Variants in DERL2 observed in about 807,000 individuals in gnomAD.
The protein encoded by DERL2 is derlin 2.
In DERL2, 13 loss-of-function variants were observed where a neutral mutation model predicts 32.0. The observed-to-expected ratio is 0.41, with a 90% CI of 0.26 to 0.65. DERL2 has a LOEUF of 0.65. Ranked by LOEUF, DERL2 falls within the 30% of genes least tolerant of loss-of-function variation. The probability of loss-of-function intolerance (pLI) is 0.35; values close to 1 mark genes in which losing one functional copy is unlikely to be tolerated. For synonymous variants in DERL2, 111 were observed against 104.7 expected, an observed-to-expected ratio of 1.06 and a Z score of -0.37; for missense variants, 208 against 296.3, an observed-to-expected ratio of 0.70 and a Z score of 2.19.
chr17:5,482,560 CTTGA>C (rs1905862168), intron 3 of DERL2: 1 of 344,676 alleles, frequency 2.9e-6, no homozygotes, highest in Admixed American at 5.1e-5. Flanking sequence ...TCTCCCCTCC[CTTGA>C]TCAGATTTGT....
In DERL2 at chr17:5,480,502, G is replaced by A. The variant is rs1303704376; in HGVS notation, c.408C>T (p.Asn136=). The change falls in exon 5 of 7, where the codon AAC becomes AAT. Residue 136 remains asparagine (N), a synonymous_variant. Transcript: ENST00000158771. The part of the protein sequence containing the change: ...IMLVYVWSRR[N]PYVRMNFFGL... ...CGAAGAAGTTCATGCGGACATAGGG[G>A]TTCCTTCGGCTCCACACATAGACGA... 1 of 1,609,692 alleles carries A rather than the reference G, an allele frequency of 6.2e-7. No individual in the cohort carries two copies.
At position 5,473,909 on chromosome 17, in the gene DERL2, T is replaced by C. The variant is rs1905235097; in HGVS notation, c.*775A>G. The C allele has an allele frequency of 6.6e-6, 1 of 152,222 alleles. No individual in the cohort carries two copies. Among genetic ancestry groups the C allele is most frequent in the Admixed American group, 6.5e-5 (1 of 15,278 alleles). The allele number at this position is 152,222 out of a possible 1,614,324, so 9.4% of individuals were successfully genotyped here. A position where few individuals can be genotyped will look rare whatever the true frequency, so the allele number is the denominator to read the frequency against. On this transcript the variant is annotated 3_prime_UTR_variant, in exon 7 of 7. Coordinates refer to ENST00000158771, the MANE Select transcript of DERL2 (RefSeq NM_016041.5). Reference sequence around the variant, plus strand: ...CAATCTTTCCCTGGATACTTCTTAATGGAGAAATGTAAGTAAAGCAAATAA... The same window carrying C: ...CAATCTTTCCCTGGATACTTCTTAACGGAGAAATGTAAGTAAAGCAAATAA...
At chr17:5,476,375 T>C (rs976436909) in intron 6 of DERL2, among the ~76,000 whole-genome samples, 1 of 152,110 alleles carries the variant, frequency 6.6e-6, no homozygotes, top group African/African-American at 2.4e-5. Context: ...AAAACAAACA[T>C]ACCAACAGAA....
chr17:5,478,307 T>C (rs919849942), intron 6 of DERL2, among the ~76,000 whole-genome samples: 1 of 152,136 alleles, frequency 6.6e-6, no homozygotes, highest in Admixed American at 6.5e-5. Context: ...CCCAGGGGCT[T>C]GAGTTAACAG....
rs1905705910 is a variant in DERL2 at position 5,480,509 on chromosome 17, C to T, written c.401G>A (p.Arg134Gln). The T allele has an allele frequency of 1.2e-6, 2 of 1,607,238 alleles. No homozygotes were observed. Among genetic ancestry groups the T allele is most frequent in the Non-Finnish European group, 1.7e-6 (2 of 1,178,136 alleles). The change falls in exon 5 of 7, where the codon CGA becomes CAA. Residue 134 changes from arginine (R) to glutamine (Q), a missense_variant. By Grantham distance (43) the Arg-to-Gln change is conservative. Around this residue, in one of 3 missense-constraint regions of DERL2, gnomAD observed 124 missense variants for 215.3 expected, o/e 0.58. Transcript: ENST00000158771. ...GTTCATGCGGACATAGGGGTTCCTT[C>T]GGCTCCACACATAGACGAGCATTAT... ...FTIMLVYVWS[R>Q]RNPYVRMNFF...
At chr17:5,483,142 G>A (rs551088164) in intron 2 of DERL2, among the ~76,000 whole-genome samples, 3 of 151,964 alleles carry the variant, frequency 2.0e-5, no homozygotes, top group Non-Finnish European at 4.4e-5. Context: ...AATTGTGATC[G>A]TCGTATGGAG....
intron 3 of DERL2, among the ~76,000 whole-genome samples, chr17:5,482,078 C>A (rs1805453): frequency 0.28 from 42,001 of 152,084 alleles, 7,201 homozygotes; most frequent in African/African-American, 0.49. Flanking sequence ...CTTGTGTGCT[C>A]AACTACTTTT....
intron 6 of DERL2, among the ~76,000 whole-genome samples, chr17:5,479,395 A>G (rs1469339509): frequency 6.6e-6 from 1 of 151,306 alleles, no homozygotes; most frequent in Non-Finnish European, 1.5e-5. Flanking sequence ...GCCCTTTTTA[A>G]TATGGCATCT....
chr17:5,474,839 C>A lies in DERL2; in HGVS notation c.615-50G>T. 6.9e-7 allele frequency: 1 copy of A among 1,447,758 alleles called. No homozygotes were observed. Among genetic ancestry groups the A allele is most frequent in the Non-Finnish European group, 9.6e-7 (1 of 1,036,990 alleles). The allele number at this position is 1,447,758 out of a possible 1,614,324, so 89.7% of individuals were successfully genotyped here. A position where few individuals can be genotyped will look rare whatever the true frequency, so the allele number is the denominator to read the frequency against. On this transcript the variant is annotated intron_variant, in intron 6 of 6. Coordinates refer to ENST00000158771, the MANE Select transcript of DERL2 (RefSeq NM_016041.5). The surrounding 1 kb of genome is among the most constrained non-coding windows in gnomAD (Gnocchi z 4.3). ...TTTGGTCCCAGAGTCATCTCAGGTCCAAAGTACTACAAGGTCAGTTCAGGC... is the reference window on the plus strand; with the variant it reads ...TTTGGTCCCAGAGTCATCTCAGGTCAAAAGTACTACAAGGTCAGTTCAGGC...
intron 6 of DERL2, among the ~76,000 whole-genome samples, chr17:5,477,106 A>AC (rs1466447404): frequency 6.6e-6 from 1 of 152,212 alleles, no homozygotes; most frequent in Non-Finnish European, 1.5e-5. Context: ...TCAGGTTAGG[A>AC]CAGATGGAAA....
In DERL2 at chr17:5,481,237, G is replaced by C; in HGVS notation, c.327+59C>G. 8.0e-7 allele frequency: 1 copy of C among 1,246,406 alleles called. No homozygotes were observed. Among genetic ancestry groups the C allele is most frequent in the Non-Finnish European group, 1.2e-6 (1 of 844,936 alleles). The allele number at this position is 1,246,406 out of a possible 1,614,324, so 77.2% of individuals were successfully genotyped here. On this transcript the variant is annotated intron_variant, in intron 4 of 6. Transcript: ENST00000158771. This position sits in a 1 kb window ranked among gnomAD's most constrained non-coding sequence, Gnocchi z 4.4. Reference sequence around the variant, plus strand: ...GAGAACTGTGGGAGACAGATGACAAGCTTTAGGAAGAGCCAGGGTGTTCTT... The same window carrying C: ...GAGAACTGTGGGAGACAGATGACAACCTTTAGGAAGAGCCAGGGTGTTCTT...
At chr17:5,476,558 G>A (rs370059198) in intron 6 of DERL2, among the ~76,000 whole-genome samples, 1 of 152,082 alleles carries the variant, frequency 6.6e-6, no homozygotes, top group East Asian at 1.9e-4. Context: ...GAGGAGGGTG[G>A]ATCACCTGAG....
Position 5,481,108 on chromosome 17 carries a change from A to T in DERL2, c.327+188T>A. The stretch of plus-strand genomic sequence containing the variant: ...TGCTTAACAGTAACCCACCTGGGTT[A>T]AAAGTTCCTTTGACTTGCTCATCCT... On this transcript the variant is annotated intron_variant, in intron 4 of 6. Transcript: ENST00000158771. This position sits in a 1 kb window ranked among gnomAD's most constrained non-coding sequence, Gnocchi z 4.4. 1 of 630,066 alleles carries T rather than the reference A, an allele frequency of 1.6e-6. No homozygotes were observed. The highest frequency in any genetic ancestry group is 2.8e-6 in the Non-Finnish European group (1 of 356,442). The allele number at this position is 630,066 out of a possible 1,614,324, so 39.0% of individuals were successfully genotyped here.
At chr17:5,476,913 C>G (rs558404797) in intron 6 of DERL2, among the ~76,000 whole-genome samples, 2 of 152,230 alleles carry the variant, frequency 1.3e-5, no homozygotes, top group Non-Finnish European at 2.9e-5. Flanking sequence ...ATGGAGGTGG[C>G]CTGACGAGAT....
intron 6 of DERL2, among the ~76,000 whole-genome samples, chr17:5,478,191 T>A (rs938319614): frequency 6.6e-6 from 1 of 152,090 alleles, no homozygotes; most frequent in South Asian, 2.1e-4. Flanking sequence ...TAGAGAGACC[T>A]TGTCTCCACA....
chr17:5,476,147 T>C (rs1332697128), intron 6 of DERL2, among the ~76,000 whole-genome samples: 4 of 152,154 alleles, frequency 2.6e-5, no homozygotes, highest in Admixed American at 6.5e-5. Context: ...GGATAGTAAA[T>C]GTCCAAAAGA....
intron 6 of DERL2, among the ~76,000 whole-genome samples, chr17:5,475,503 C>T (rs1169047181): frequency 6.6e-6 from 1 of 152,120 alleles, no homozygotes; most frequent in Non-Finnish European, 1.5e-5. Context: ...AGGTGATCTG[C>T]CTGCCTCGGC....
rs991776124 is a variant in DERL2, at chr17:5,481,761, TG to T, written c.234-373del. On this transcript the variant is annotated intron_variant, in intron 3 of 6. Transcript: ENST00000158771. This position sits in a 1 kb window ranked among gnomAD's most constrained non-coding sequence, Gnocchi z 4.4. ...GCCTCTCAGATTCAAGCGATTCTCC[TG>T]CCTCATTCTCCTGAGTAGCTGGGAT... Among the ~76,000 whole-genome samples, 2 of 152,120 alleles carry T rather than the reference TG, an allele frequency of 1.3e-5. No individual in the cohort carries two copies. The highest frequency in any genetic ancestry group is 4.8e-5 in the African/African-American group (2 of 41,418).
chr17:5,486,010 C>T (rs1338901837), intron 1 of DERL2, 59 bp downstream of exon 1: 2 of 1,521,822 alleles, frequency 1.3e-6, no homozygotes, highest in East Asian at 2.4e-5. Context: ...ACCCCAGTTT[C>T]CTGAAGACCC....
Sources: allele counts gnomAD v4.1 joint callset (sites outside exome capture counted in the v4.1 genomes callset), GRCh38; gene constraint gnomAD v4.1.1; regional missense constraint gnomAD v4.1.1; non-coding constraint Gnocchi (gnomAD v3.1); transcripts MANE v1.5; gene names NCBI Gene and HGNC (gene_info 2026-07-23, HGNC 2026-07-21).